Variants in SEPTIN9 observed in about 807,000 individuals in gnomAD.
SEPTIN9 encodes septin 9.
A neutral mutation model predicts 56.6 loss-of-function variants in SEPTIN9; 13 were observed. That is an observed-to-expected ratio of 0.23 (90% CI 0.15 to 0.37). The LOEUF (loss-of-function observed/expected upper bound fraction) is 0.37, where lower values mean the gene tolerates loss of function less well. Ranked by LOEUF, SEPTIN9 falls within the 10% of genes least tolerant of loss-of-function variation. The pLI is 1.00. For missense variants in SEPTIN9, 650 were observed against 823.1 expected (o/e 0.79, Z 2.57); for synonymous variants, 332 against 334.1 (o/e 0.99, Z 0.07).
In SEPTIN9 at chr17:77,489,651, G is replaced by A. The variant is rs138475447; in HGVS notation, c.1262+787G>A. 2.6e-3 allele frequency among the ~76,000 whole-genome samples: 391 copies of A among 152,308 alleles called. 2 individuals are homozygous for A. Among genetic ancestry groups the A allele is most frequent in the African/African-American group, 8.9e-3 (371 of 41,564 alleles). Reference sequence around the variant, plus strand: ...TACTTCCCTGGGCGGAGGAAGCCCAGGGGTTTGGGGAAACCATACTCTGTG... The same window carrying A: ...TACTTCCCTGGGCGGAGGAAGCCCAAGGGTTTGGGGAAACCATACTCTGTG... On this transcript the variant is annotated intron_variant, in intron 7 of 11. Transcript: ENST00000427177.
Position 77,433,516 on chromosome 17 carries a change from C to T in SEPTIN9, c.721+30813C>T, listed in dbSNP as rs376292494. Among the ~76,000 whole-genome samples, 1 of 152,204 alleles carries T rather than the reference C, an allele frequency of 6.6e-6. No homozygotes were observed. The highest frequency in any genetic ancestry group is 2.1e-4 in the South Asian group (1 of 4,818). On this transcript the variant is annotated intron_variant, in intron 3 of 11. Coordinates refer to ENST00000427177, the MANE Select transcript of SEPTIN9 (RefSeq NM_001113491.2). This position sits in a 1 kb window ranked among gnomAD's most constrained non-coding sequence, Gnocchi z 6.4. The stretch of plus-strand genomic sequence containing the variant: ...TGCCTGTGACGGCCAAAAGGGATGG[C>T]GCCCCAGCCACGTTCCCACCCACCC...
rs953580760 is a variant in SEPTIN9 at position 77,500,088 on chromosome 17, G to T, written c.*1430G>T. The stretch of plus-strand genomic sequence containing the variant: ...AGGGGCCTGATGAGACTCCACTCAG[G>T]TGCACACATCACCAGGTGCATCTGC... On this transcript the variant is annotated 3_prime_UTR_variant, in exon 12 of 12. Coordinates refer to ENST00000427177, the MANE Select transcript of SEPTIN9 (RefSeq NM_001113491.2). 3 of 233,770 alleles carry T rather than the reference G, an allele frequency of 1.3e-5. No individual in the cohort carries two copies. The highest frequency in any genetic ancestry group is 6.1e-5 in the East Asian group (1 of 16,520). 14.5% of individuals were successfully genotyped at this position (233,770 alleles called of 1,614,324 possible). A position where few individuals can be genotyped will look rare whatever the true frequency, so the allele number is the denominator to read the frequency against.
At chr17:77,377,066 C>A (rs750853590) in intron 2 of SEPTIN9, 1 of 152,320 alleles carries the variant, frequency 6.6e-6, no homozygotes, top group Non-Finnish European at 1.5e-5. Context: ...ACTCAAACTT[C>A]CCGCATCCCG....
chr17:77,351,531 G>A (rs922331851), intron 2 of SEPTIN9, among the ~76,000 whole-genome samples: 4 of 152,270 alleles, frequency 2.6e-5, no homozygotes, highest in Non-Finnish European at 2.9e-5. Flanking sequence ...TCAAGGTCAC[G>A]GGCGGCCACA....
At chr17:77,373,580 G>A (rs1329648323) in intron 2 of SEPTIN9, 4 of 1,541,252 alleles carry the variant, frequency 2.6e-6, no homozygotes, top group Non-Finnish European at 3.5e-6. Context: ...TGCTGCGGCC[G>A]CGGACGTGCT....
chr17:77,448,422 G>A (rs2037831055), intron 3 of SEPTIN9, among the ~76,000 whole-genome samples: 1 of 151,514 alleles, frequency 6.6e-6, no homozygotes, highest in East Asian at 1.9e-4. Flanking sequence ...GTTGCAGTGA[G>A]CCAAGATCAC....
At chr17:77,348,051 A>G (rs577965236) in intron 2 of SEPTIN9, among the ~76,000 whole-genome samples, 60 of 152,262 alleles carry the variant, frequency 3.9e-4, no homozygotes, top group East Asian at 3.9e-4. Context: ...GAAAATTTCA[A>G]CCTGTGTTTA....
intron 1 of SEPTIN9, among the ~76,000 whole-genome samples, chr17:77,300,994 G>A (rs1328254667): frequency 1.2e-4 from 7 of 58,970 alleles, no homozygotes; most frequent in African/African-American, 2.7e-4. Flanking sequence ...CAAAGTGCCC[G>A]CAACCCAGGC....
intron 3 of SEPTIN9, among the ~76,000 whole-genome samples, chr17:77,418,062 C>T (rs2036565924): frequency 6.6e-6 from 1 of 152,210 alleles, no homozygotes; most frequent in Non-Finnish European, 1.5e-5. Flanking sequence ...AGCTGTCACA[C>T]ATCAGAACCC....
rs371495905 is a variant in SEPTIN9, at chr17:77,320,284, C to G, written c.76+13087C>G. ...TGAGAAAGGGGAGGCCGCCTCTGAG[C>G]GGGACGCCGGGACTCCCGCCGCTGC... On this transcript the variant is annotated intron_variant, in intron 2 of 11. Transcript: ENST00000427177. 2.1e-5 allele frequency: 34 copies of G among 1,611,742 alleles called. No homozygotes were observed. The Admixed American group carries it at 5.7e-4, about 27-fold the overall frequency.
intron 3 of SEPTIN9, among the ~76,000 whole-genome samples, chr17:77,410,968 C>G (rs2036274459): frequency 6.6e-6 from 1 of 151,992 alleles, no homozygotes; most frequent in South Asian, 2.1e-4. Context: ...ACCTGTAGTC[C>G]CAGCTGCTTG....
At chr17:77,311,808 C>T (rs1226417509) in intron 2 of SEPTIN9, among the ~76,000 whole-genome samples, 3 of 152,138 alleles carry the variant, frequency 2.0e-5, no homozygotes, top group South Asian at 2.1e-4. Flanking sequence ...AAGTGTGCCA[C>T]GTGGAGGGAG....
intron 3 of SEPTIN9, among the ~76,000 whole-genome samples, chr17:77,478,745 G>A (rs1226429075): frequency 4.6e-5 from 7 of 151,350 alleles, no homozygotes; most frequent in Non-Finnish European, 1.5e-5. Flanking sequence ...CAGAGGTTTC[G>A]GTGAGCCGAG....
At chr17:77,300,703 A>C (rs1434080491) in intron 1 of SEPTIN9, among the ~76,000 whole-genome samples, 8 of 116,264 alleles carry the variant, frequency 6.9e-5, no homozygotes, top group African/African-American at 2.5e-4. Context: ...CCCCAGGCTC[A>C]AACCGCCCCC....
rs1404246742 is a variant in SEPTIN9, at chr17:77,451,656, C to T, written c.722-30488C>T. ...CGGGAGCCACGCTGTCCCTGGGCCC[C>T]GGCCCGAGGCCGGCAGGACCGAGCG... On this transcript the variant is annotated intron_variant, in intron 3 of 11. Coordinates refer to ENST00000427177, the MANE Select transcript of SEPTIN9 (RefSeq NM_001113491.2). This position sits in a 1 kb window ranked among gnomAD's most constrained non-coding sequence, Gnocchi z 4.2. 2 of 708,604 alleles carry T rather than the reference C, an allele frequency of 2.8e-6. No individual in the cohort carries two copies. Among genetic ancestry groups the T allele is most frequent in the Non-Finnish European group, 3.5e-6 (2 of 576,906 alleles). The allele number at this position is 708,604 out of a possible 1,614,324, so 43.9% of individuals were successfully genotyped here.
chr17:77,293,481 G>C (rs1567977761), intron 1 of SEPTIN9, among the ~76,000 whole-genome samples: 1 of 152,132 alleles, frequency 6.6e-6, no homozygotes, highest in South Asian at 2.1e-4. Context: ...ATTTAGAACA[G>C]AAGGACTTAA....
At chr17:77,481,710 A>T (rs1219304312) in intron 3 of SEPTIN9, among the ~76,000 whole-genome samples, 1 of 152,124 alleles carries the variant, frequency 6.6e-6, no homozygotes, top group Non-Finnish European at 1.5e-5. Flanking sequence ...GAGGTGAAGG[A>T]GAGGGCCAGG....
At chr17:77,455,909 G>A (rs2038180146) in intron 3 of SEPTIN9, among the ~76,000 whole-genome samples, 1 of 152,176 alleles carries the variant, frequency 6.6e-6, no homozygotes, top group African/African-American at 2.4e-5. Context: ...GTCTCCTTGG[G>A]GGGTTTTTCA....
At chr17:77,419,917 C>T (rs2036639220) in intron 3 of SEPTIN9, 1 of 152,322 alleles carries the variant, frequency 6.6e-6, no homozygotes, top group Non-Finnish European at 1.5e-5. Context: ...GCAAAACCAC[C>T]CATTGGGTGC....
Sources: allele counts gnomAD v4.1 joint callset (sites outside exome capture counted in the v4.1 genomes callset), GRCh38; gene constraint gnomAD v4.1.1; non-coding constraint Gnocchi (gnomAD v3.1); transcripts MANE v1.5; gene names NCBI Gene and HGNC (gene_info 2026-07-23, HGNC 2026-07-21).